Variants in LRFN5 observed in about 807,000 individuals in gnomAD.
LRFN5 encodes leucine rich repeat and fibronectin type III domain containing 5, also known as leucine-rich repeat and fibronectin type-III domain-containing protein 5.
In LRFN5, 24 loss-of-function variants were observed where a neutral mutation model predicts 45.6. The observed-to-expected ratio is 0.53, with a 90% CI of 0.38 to 0.74. The LOEUF is 0.74. Among genes scored for constraint, LRFN5 ranks in the 30% least tolerant of loss-of-function variants. LRFN5 has a pLI of 0.00. For missense variants in LRFN5, 776 were observed against 861.5 expected, an observed-to-expected ratio of 0.90 and a Z score of 1.24; for synonymous variants, 340 against 313.8, an observed-to-expected ratio of 1.08 and a Z score of -0.88.
At chr14:41,609,526 C>CT (rs555558098) in intron 1 of LRFN5, among the ~76,000 whole-genome samples, 69 of 152,204 alleles carry the variant, frequency 4.5e-4, no homozygotes, top group South Asian at 3.3e-3. Context: ...ACCCTGGCGC[C>CT]TTTTTTTCCC....
rs1008729996 is a variant in LRFN5 at position 41,767,033 on chromosome 14, A to G, written c.-21+4A>G. The G allele has an allele frequency of 6.6e-6, 1 of 152,658 alleles. No individual in the cohort carries two copies. The highest frequency in any genetic ancestry group is 1.5e-5 in the Non-Finnish European group (1 of 68,052). 9.5% of individuals were successfully genotyped at this position (152,658 alleles called of 1,614,324 possible). On this transcript the variant is annotated splice_donor_region_variant and intron_variant, in intron 2 of 5. Transcript: ENST00000298119. ...AGGAACTCTTCAGGCTCCAGAAGTA[A>G]GTTGATTGCATTCAGTTCAATCATT...
At chr14:41,615,109 A>G (rs1264270827) in intron 1 of LRFN5, among the ~76,000 whole-genome samples, 1 of 152,138 alleles carries the variant, frequency 6.6e-6, no homozygotes, top group African/African-American at 2.4e-5. Flanking sequence ...GGCATTAGGC[A>G]ACTTGTAAGT....
At chr14:41,880,267 A>G (rs1249093342) in intron 2 of LRFN5, among the ~76,000 whole-genome samples, 1 of 150,128 alleles carries the variant, frequency 6.7e-6, no homozygotes, top group East Asian at 1.9e-4. Flanking sequence ...TTTATGTATT[A>G]TTTCTATTTT....
intron 2 of LRFN5, among the ~76,000 whole-genome samples, chr14:41,812,461 C>G (rs1180413221): frequency 6.6e-6 from 1 of 151,808 alleles, no homozygotes; most frequent in African/African-American, 2.4e-5. Flanking sequence ...TTAGTACCTT[C>G]TGGGGGTACT....
intron 4 of LRFN5, among the ~76,000 whole-genome samples, chr14:41,895,968 G>C (rs959171867): frequency 5.3e-5 from 8 of 151,942 alleles, no homozygotes; most frequent in African/African-American, 1.7e-4. Context: ...TTTTAGTTTT[G>C]TAATGTATTT....
intron 1 of LRFN5, among the ~76,000 whole-genome samples, chr14:41,676,601 C>T (rs951544072): frequency 7.9e-5 from 12 of 152,186 alleles, no homozygotes; most frequent in African/African-American, 1.7e-4. Flanking sequence ...AGTCAACTCT[C>T]GGGGTCTGGA....
At chr14:41,819,739 G>A (rs1188280671) in intron 2 of LRFN5, among the ~76,000 whole-genome samples, 1 of 152,024 alleles carries the variant, frequency 6.6e-6, no homozygotes, top group Non-Finnish European at 1.5e-5. Context: ...GGTCACTAGA[G>A]TGCCAAGAAC....
At chr14:41,731,135 T>C (rs1176111701) in intron 1 of LRFN5, among the ~76,000 whole-genome samples, 1 of 152,096 alleles carries the variant, frequency 6.6e-6, no homozygotes, top group Non-Finnish European at 1.5e-5. Flanking sequence ...GATAATTGAG[T>C]CTAGGACCAA....
intron 1 of LRFN5, chr14:41,700,798 T>C (rs912044255): frequency 4.6e-5 from 7 of 152,004 alleles, no homozygotes; most frequent in Admixed American, 1.3e-4. Flanking sequence ...GAGAGGAAAT[T>C]TCTTGTCCAG....
chr14:41,690,214 G>GA (rs11461909), intron 1 of LRFN5, among the ~76,000 whole-genome samples: 34,427 of 151,354 alleles, frequency 0.23, 5,322 homozygotes, highest in East Asian at 0.76. Flanking sequence ...ATAATTAAAA[G>GA]AAAAAAAAGG....
intron 1 of LRFN5, among the ~76,000 whole-genome samples, chr14:41,695,984 C>G (rs1320016310): frequency 6.6e-6 from 1 of 151,882 alleles, no homozygotes; most frequent in Non-Finnish European, 1.5e-5. Context: ...AAGATTAACC[C>G]TTCTAGATGT....
At chr14:41,759,448 TACACACACACACACACACACACACAC>T (rs569216156) in intron 1 of LRFN5, among the ~76,000 whole-genome samples, 1 of 109,644 alleles carries the variant, frequency 9.1e-6, no homozygotes, top group Non-Finnish European at 1.9e-5. Flanking sequence ...TCTCTCTCTC[TACACACACACACACACACACACACAC>T]ACACACACAC....
intron 1 of LRFN5, among the ~76,000 whole-genome samples, chr14:41,744,662 C>T (rs1884844552): frequency 6.6e-6 from 1 of 151,886 alleles, no homozygotes; most frequent in Non-Finnish European, 1.5e-5. Flanking sequence ...CAGTTTGGAT[C>T]CAGAACACCA....
chr14:41,626,037 A>G (rs1888319014), intron 1 of LRFN5, among the ~76,000 whole-genome samples: 1 of 152,110 alleles, frequency 6.6e-6, no homozygotes. Flanking sequence ...GGATACATAC[A>G]TAGGCAAAAA....
At chr14:41,831,058 A>T (rs1410119011) in intron 2 of LRFN5, among the ~76,000 whole-genome samples, 4 of 152,186 alleles carry the variant, frequency 2.6e-5, no homozygotes, top group African/African-American at 9.7e-5. Flanking sequence ...TCACTCTTAA[A>T]AACTCAGTAT....
intron 1 of LRFN5, among the ~76,000 whole-genome samples, chr14:41,714,367 C>T (rs2138753623): frequency 6.6e-6 from 1 of 151,970 alleles, no homozygotes; most frequent in East Asian, 1.9e-4. Context: ...TATTATTTAC[C>T]CCCAAAGCAC....
intron 1 of LRFN5, among the ~76,000 whole-genome samples, chr14:41,669,114 G>A (rs938405863): frequency 2.1e-4 from 32 of 152,012 alleles, no homozygotes; most frequent in African/African-American, 6.5e-4. Context: ...TAGCCAAATA[G>A]CAAAACAAAA....
intron 2 of LRFN5, among the ~76,000 whole-genome samples, chr14:41,804,080 T>G (rs959718593): frequency 6.6e-6 from 1 of 152,088 alleles, no homozygotes; most frequent in Non-Finnish European, 1.5e-5. Flanking sequence ...GCTAGGCTGC[T>G]CTCGAACTCC....
intron 2 of LRFN5, among the ~76,000 whole-genome samples, chr14:41,827,732 A>T: frequency 6.6e-6 from 1 of 152,008 alleles, no homozygotes; most frequent in Non-Finnish European, 1.5e-5. Flanking sequence ...TATCTTTCCA[A>T]ACTTAAAATT....
Sources: allele counts gnomAD v4.1 joint callset (sites outside exome capture counted in the v4.1 genomes callset), GRCh38; gene constraint gnomAD v4.1.1; transcripts MANE v1.5; gene names NCBI Gene and HGNC (gene_info 2026-07-23, HGNC 2026-07-21).